TBC1D32: variants seen among roughly 807,000 people sequenced by gnomAD.
The protein encoded by TBC1D32 is protein broad-minded.
In TBC1D32, 151 loss-of-function variants were observed where a neutral mutation model predicts 170.3. The observed-to-expected ratio is 0.89, with a 90% CI of 0.78 to 1.01. TBC1D32 has a LOEUF of 1.01. Ranked by LOEUF, TBC1D32 falls within the 50% of genes least tolerant of loss-of-function variation. TBC1D32 has a pLI of 0.00. For missense variants in TBC1D32, 1,464 were observed against 1,457.1 expected (o/e 1.00, Z -0.08); for synonymous variants, 498 against 488.0 (o/e 1.02, Z -0.27).
Position 121,096,856 on chromosome 6 carries a change from C to T in TBC1D32, c.3466-5815G>A, listed in dbSNP as rs566906841. 5.3e-5 allele frequency among the ~76,000 whole-genome samples: 8 copies of T among 152,144 alleles called. No homozygotes were observed. In the East Asian group the frequency reaches 1.5e-3, roughly 29 times the overall value. ...AGTGGTACCAAAACAGATATATAGA[C>T]CAATTGAACAGAACAGAGGCCTCAG... On this transcript the variant is annotated intron_variant, in intron 30 of 31. Coordinates refer to ENST00000398212, the MANE Select transcript of TBC1D32 (RefSeq NM_152730.6).
At chr6:121,312,490 G>A (rs1457848220) in intron 3 of TBC1D32, among the ~76,000 whole-genome samples, 2 of 152,246 alleles carry the variant, frequency 1.3e-5, no homozygotes, top group East Asian at 3.9e-4. Flanking sequence ...CTGGGCTCAT[G>A]CAATTAGGGA....
At chr6:121,266,241 C>A (rs971230606) in intron 15 of TBC1D32, among the ~76,000 whole-genome samples, 7 of 151,780 alleles carry the variant, frequency 4.6e-5, no homozygotes, top group Admixed American at 1.3e-4. Context: ...AATAAGCAAC[C>A]CCATCAAAAA....
intron 24 of TBC1D32, among the ~76,000 whole-genome samples, chr6:121,144,206 G>C (rs574637602): frequency 5.9e-5 from 9 of 152,252 alleles, no homozygotes; most frequent in Non-Finnish European, 1.2e-4. Context: ...GCTTAAGATA[G>C]TACTACACTC....
chr6:121,248,415 G>C (rs1352058104), intron 17 of TBC1D32, among the ~76,000 whole-genome samples: 1 of 151,526 alleles, frequency 6.6e-6, no homozygotes, highest in Admixed American at 6.6e-5. Flanking sequence ...GAATTAGAGA[G>C]ACAAGAACAA....
intron 20 of TBC1D32, among the ~76,000 whole-genome samples, chr6:121,225,729 G>A (rs925673473): frequency 1.3e-5 from 2 of 152,074 alleles, no homozygotes; most frequent in Non-Finnish European, 2.9e-5. Flanking sequence ...AGAAGTTTGA[G>A]AAGATTTCAG....
chr6:121,215,997 T>C (rs1395022794), intron 21 of TBC1D32, among the ~76,000 whole-genome samples: 1 of 152,212 alleles, frequency 6.6e-6, no homozygotes, highest in Non-Finnish European at 1.5e-5. Flanking sequence ...GCAATCCCAT[T>C]ACTGGGTGTG....
chr6:121,285,243 A>T (rs1289112026), intron 12 of TBC1D32, among the ~76,000 whole-genome samples: 1 of 152,194 alleles, frequency 6.6e-6, no homozygotes, highest in Non-Finnish European at 1.5e-5. Context: ...CACAGCTATG[A>T]TTTATTATAA....
chr6:121,090,570 T>C (rs1776702347), intron 31 of TBC1D32, among the ~76,000 whole-genome samples: 1 of 152,186 alleles, frequency 6.6e-6, no homozygotes, highest in Non-Finnish European at 1.5e-5. Flanking sequence ...AAATAGCCCA[T>C]AGGAATATTT....
chr6:121,282,641 G>T (rs1276152867), intron 13 of TBC1D32, among the ~76,000 whole-genome samples: 4 of 151,686 alleles, frequency 2.6e-5, no homozygotes, highest in African/African-American at 9.7e-5. Flanking sequence ...TGAGCATATG[G>T]TCATTCTTTC....
intron 15 of TBC1D32, among the ~76,000 whole-genome samples, chr6:121,258,291 T>C (rs1045183275): frequency 9.2e-5 from 14 of 152,148 alleles, no homozygotes; most frequent in Non-Finnish European, 1.3e-4. Context: ...CCTTAGAATA[T>C]ATCCCACTGG....
chr6:121,104,610 T>C (rs182553686), intron 30 of TBC1D32, among the ~76,000 whole-genome samples: 2 of 151,694 alleles, frequency 1.3e-5, no homozygotes, highest in East Asian at 3.9e-4. Flanking sequence ...AGAAAAAATA[T>C]AACAATGAAT....
At chr6:121,092,856 G>A (rs1776980099) in intron 30 of TBC1D32, among the ~76,000 whole-genome samples, 3 of 152,128 alleles carry the variant, frequency 2.0e-5, no homozygotes, top group Admixed American at 2.0e-4. Context: ...GTGGGGTTAG[G>A]ATTTCAACAG....
intron 30 of TBC1D32, among the ~76,000 whole-genome samples, chr6:121,092,701 G>T (rs1207051890): frequency 6.6e-6 from 1 of 152,050 alleles, no homozygotes; most frequent in Non-Finnish European, 1.5e-5. Flanking sequence ...TCTTCACATG[G>T]ACTTCCCTTA....
intron 24 of TBC1D32, among the ~76,000 whole-genome samples, chr6:121,151,180 C>T (rs1784165270): frequency 6.6e-6 from 1 of 152,138 alleles, no homozygotes. Flanking sequence ...TTAGCTGTGT[C>T]CCAGAGATTC....
chr6:121,214,722 T>C (rs1793597546), intron 21 of TBC1D32, among the ~76,000 whole-genome samples: 1 of 152,132 alleles, frequency 6.6e-6, no homozygotes, highest in Admixed American at 6.5e-5. Flanking sequence ...TTCTCTCTTC[T>C]CTCCTTCTCA....
chr6:121,110,304 A>G (rs917839487), intron 29 of TBC1D32, among the ~76,000 whole-genome samples: 8 of 150,890 alleles, frequency 5.3e-5, no homozygotes, highest in Non-Finnish European at 7.4e-5. Flanking sequence ...TTACACACTC[A>G]ACATACATTT....
intron 21 of TBC1D32, among the ~76,000 whole-genome samples, chr6:121,208,735 A>AAAAAAAAC (rs1792642904): frequency 6.6e-6 from 1 of 150,584 alleles, no homozygotes; most frequent in Admixed American, 6.6e-5. Context: ...CCTGGAAAAA[A>AAAAAAAAC]AAAAAAAAAA....
chr6:121,266,329 G>A (rs1342451871), intron 15 of TBC1D32, among the ~76,000 whole-genome samples: 1 of 152,130 alleles, frequency 6.6e-6, no homozygotes, highest in African/African-American at 2.4e-5. Flanking sequence ...CAATATTAGT[G>A]ATCATTAGAG....
intron 31 of TBC1D32, 59 bp downstream of exon 31, chr6:121,090,794 T>A: frequency 1.3e-6 from 2 of 1,486,326 alleles, no homozygotes; most frequent in South Asian, 2.4e-5. Flanking sequence ...GTATCTAATA[T>A]TAAGCAACCA....
Sources: allele counts gnomAD v4.1 joint callset (sites outside exome capture counted in the v4.1 genomes callset), GRCh38; gene constraint gnomAD v4.1.1; transcripts MANE v1.5; gene names NCBI Gene and HGNC (gene_info 2026-07-23, HGNC 2026-07-21).